The following MAP3K5 variants were observed in gnomAD, a reference collection of about 807,000 sequenced individuals.
The protein encoded by MAP3K5 is mitogen-activated protein kinase kinase kinase 5.
In MAP3K5, 56 loss-of-function variants were observed where a neutral mutation model predicts 158.7. That is an observed-to-expected ratio of 0.35 (90% CI 0.28 to 0.44). The LOEUF is 0.44. Among genes scored for constraint, MAP3K5 ranks in the 20% least tolerant of loss-of-function variants. MAP3K5 has a pLI of 1.00. For synonymous variants in MAP3K5, 579 were observed against 601.7 expected (o/e 0.96, Z 0.55); for missense variants, 1,294 against 1,674.8 (o/e 0.77, Z 3.97).
At chr6:136,569,330 T>A (rs1774263337) in intron 25 of MAP3K5, among the ~76,000 whole-genome samples, 1 of 152,216 alleles carries the variant, frequency 6.6e-6, no homozygotes, top group Admixed American at 6.5e-5. Context: ...GAGATTCAAC[T>A]AAGAGTCTCA....
chr6:136,588,448 A>G (rs753971311), intron 23 of MAP3K5, among the ~76,000 whole-genome samples: 56 of 152,372 alleles, frequency 3.7e-4, no homozygotes, highest in South Asian at 2.1e-4. Context: ...ATGGAATACT[A>G]AGAACAGTAA....
rs1474772006 is a variant in MAP3K5, at chr6:136,651,102, T to TA, written c.1681-12dup. ...TTCTAATATTAATACCTTGAAAAGA[T>TA]ACGGCAAAGAAACTAATATCAGTGA... On this transcript the variant is annotated splice_polypyrimidine_tract_variant and intron_variant, in intron 10 of 29. Transcript: ENST00000359015. 4.2e-6 allele frequency: 6 copies of TA among 1,442,084 alleles called. No homozygotes were observed. The Admixed American group carries it at 7.0e-5, about 17-fold the overall frequency. The allele number at this position is 1,442,084 out of a possible 1,614,324, so 89.3% of individuals were successfully genotyped here.
chr6:136,594,532 C>T (rs1400910942), intron 21 of MAP3K5, among the ~76,000 whole-genome samples: 1 of 152,154 alleles, frequency 6.6e-6, no homozygotes, highest in Admixed American at 6.5e-5. Context: ...TGGAAGAATA[C>T]AGCTGAAGAA....
At chr6:136,684,619 T>A (rs1395370789) in intron 7 of MAP3K5, among the ~76,000 whole-genome samples, 2 of 152,142 alleles carry the variant, frequency 1.3e-5, no homozygotes, top group African/African-American at 4.8e-5. Context: ...AAGTCTCAGC[T>A]CTTTAGTCAC....
At chr6:136,700,768 T>C (rs1015912685) in intron 3 of MAP3K5, among the ~76,000 whole-genome samples, 7 of 151,958 alleles carry the variant, frequency 4.6e-5, no homozygotes, top group African/African-American at 1.7e-4. Context: ...AATTATTGGA[T>C]ATGGTAGAAT....
chr6:136,766,960 A>AATAT (rs1432661615), intron 1 of MAP3K5, among the ~76,000 whole-genome samples: 1 of 152,258 alleles, frequency 6.6e-6, no homozygotes, highest in Non-Finnish European at 1.5e-5. Context: ...TTTACAAGGC[A>AATAT]ATATAGAAAC....
At chr6:136,599,653 G>C (rs900391448) in intron 21 of MAP3K5, among the ~76,000 whole-genome samples, 2 of 152,180 alleles carry the variant, frequency 1.3e-5, no homozygotes, top group Non-Finnish European at 2.9e-5. Context: ...ACAGCTCCAA[G>C]GCTCTTTTAG....
chr6:136,762,000 C>T (rs932589), intron 1 of MAP3K5, among the ~76,000 whole-genome samples: 69,542 of 151,996 alleles, frequency 0.46, 16,382 homozygotes, highest in African/African-American at 0.57. Flanking sequence ...ATGAGTAGAG[C>T]GTCTGTTCAC....
chr6:136,560,089 G>A (rs1185374569), intron 28 of MAP3K5, among the ~76,000 whole-genome samples: 2 of 150,348 alleles, frequency 1.3e-5, no homozygotes, highest in East Asian at 3.9e-4. Flanking sequence ...AAACAATATT[G>A]TATTAAGAGG....
chr6:136,736,729 C>T (rs893236200), intron 1 of MAP3K5, among the ~76,000 whole-genome samples: 1 of 152,074 alleles, frequency 6.6e-6, no homozygotes, highest in African/African-American at 2.4e-5. Flanking sequence ...CTCACTCTGT[C>T]ACTCAGGCTG....
At chr6:136,746,070 A>T (rs1782943909) in intron 1 of MAP3K5, among the ~76,000 whole-genome samples, 1 of 152,222 alleles carries the variant, frequency 6.6e-6, no homozygotes. Context: ...AATGCTGATG[A>T]TGTTTGAACT....
chr6:136,595,180 T>C (rs533498094), intron 21 of MAP3K5, among the ~76,000 whole-genome samples: 2 of 152,304 alleles, frequency 1.3e-5, no homozygotes, highest in South Asian at 4.1e-4. Context: ...TGCAGTGGCA[T>C]GATCTTGGCT....
At chr6:136,763,717 T>C (rs964692969) in intron 1 of MAP3K5, among the ~76,000 whole-genome samples, 3 of 152,182 alleles carry the variant, frequency 2.0e-5, no homozygotes, top group South Asian at 2.1e-4. Flanking sequence ...GTTTGAACAG[T>C]TGTCCCCTCC....
intron 1 of MAP3K5, among the ~76,000 whole-genome samples, chr6:136,752,753 T>C (rs1345733388): frequency 2.0e-5 from 3 of 152,160 alleles, no homozygotes; most frequent in East Asian, 3.9e-4. Flanking sequence ...AGGAAGAAGA[T>C]GAAGGGCACT....
intron 14 of MAP3K5, among the ~76,000 whole-genome samples, chr6:136,624,789 T>TA (rs1200910616): frequency 6.6e-6 from 1 of 152,118 alleles, no homozygotes; most frequent in African/African-American, 2.4e-5. Flanking sequence ...TTCATGATCT[T>TA]AAAAAAATCC....
rs57162918 is a variant in MAP3K5 at position 136,789,675 on chromosome 6, CTTTTTTTTTTTTTTTT to C, written c.448+2019_448+2034del. On this transcript the variant is annotated intron_variant, in intron 1 of 29. Coordinates refer to ENST00000359015, the MANE Select transcript of MAP3K5 (RefSeq NM_005923.4). Reference sequence around the variant, plus strand: ...AGGAAGCAAGGGCCAAGCACAACCTCTTTTTTTTTTTTTTTTTTTTTTTTTTTTTAAGACAGAGTCT... The same window carrying C: ...AGGAAGCAAGGGCCAAGCACAACCTCTTTTTTTTTTTTTAAGACAGAGTCT... Among the ~76,000 whole-genome samples, 10 of 78,776 alleles carry C rather than the reference CTTTTTTTTTTTTTTTT, an allele frequency of 1.3e-4. No individual in the cohort carries two copies. In the East Asian group the frequency reaches 3.4e-3, roughly 27 times the overall value. 51.7% of individuals were successfully genotyped at this position (78,776 alleles called of 152,430 possible). A position where few individuals can be genotyped will look rare whatever the true frequency, so the allele number is the denominator to read the frequency against.
chr6:136,613,763 A>G lies in MAP3K5; in HGVS notation c.2278+396T>C, dbSNP rs1194036108. ...CCGAGACCATTACCCCTCCTTATGGAACATTAAAATAATGTGCCTTGGAAT... is the reference window on the plus strand; with the variant it reads ...CCGAGACCATTACCCCTCCTTATGGGACATTAAAATAATGTGCCTTGGAAT... On this transcript the variant is annotated intron_variant, in intron 16 of 29. Coordinates refer to ENST00000359015, the MANE Select transcript of MAP3K5 (RefSeq NM_005923.4). The surrounding 1 kb of genome is among the most constrained non-coding windows in gnomAD (Gnocchi z 4.0). Among the ~76,000 whole-genome samples the G allele has an allele frequency of 6.6e-6, 1 of 152,046 alleles. No homozygotes were observed. The highest frequency in any genetic ancestry group is 1.9e-4 in the East Asian group (1 of 5,196).
intron 1 of MAP3K5, among the ~76,000 whole-genome samples, chr6:136,754,093 T>C (rs965262936): frequency 4.0e-5 from 6 of 150,858 alleles, no homozygotes. Flanking sequence ...GGCAGCATGA[T>C]GAAACCCCAT....
rs574786294 is a variant in MAP3K5, at chr6:136,697,132, T to C, written c.975+87A>G. On this transcript the variant is annotated intron_variant, in intron 5 of 29. Transcript: ENST00000359015. The stretch of plus-strand genomic sequence containing the variant: ...ATTACGTGTAGTAACATGAACTGCT[T>C]ACCAGCAAACTGAAATTTGAGGTTA... 3.9e-5 allele frequency: 47 copies of C among 1,195,770 alleles called. 2 individuals carry two copies. In the South Asian group the frequency reaches 7.0e-4, roughly 18 times the overall value. 74.1% of individuals were successfully genotyped at this position (1,195,770 alleles called of 1,614,324 possible).
Sources: gnomAD v4.1 joint callset for allele counts (sites outside exome capture counted in the v4.1 genomes callset) on GRCh38, gnomAD v4.1.1 for gene constraint, Gnocchi (gnomAD v3.1) non-coding constraint, MANE v1.5 for transcripts, NCBI Gene and HGNC (gene_info 2026-07-23, HGNC 2026-07-21) for gene names.